The following FANCM variants were observed in gnomAD, a reference collection of about 807,000 sequenced individuals.
FANCM encodes Fanconi anemia group M protein.
Under a neutral mutation model 199.5 loss-of-function variants are expected in FANCM, and 140 were observed. The observed-to-expected ratio is 0.70, with a 90% CI of 0.61 to 0.81. The LOEUF is 0.81. Ranked by LOEUF, FANCM falls within the 30% of genes least tolerant of loss-of-function variation. The pLI is 0.00. For missense variants in FANCM, 2,410 were observed against 2,421.4 expected (o/e 1.00, Z 0.10); for synonymous variants, 840 against 836.8 (o/e 1.00, Z -0.07).
At chr14:45,147,286 T>C (rs1190536038) in intron 3 of FANCM, among the ~76,000 whole-genome samples, 2 of 146,962 alleles carry the variant, frequency 1.4e-5, no homozygotes, top group African/African-American at 5.0e-5. Context: ...CCCTCAAAGC[T>C]TTCTTTTTTT....
At chr14:45,137,411 T>C in intron 2 of FANCM, 170 bp downstream of exon 2, 1 of 626,844 alleles carries the variant, frequency 1.6e-6, no homozygotes, top group Non-Finnish European at 2.8e-6. Flanking sequence ...CTGTCATCCA[T>C]TCAAATCAGT....
At chr14:45,170,782 C>A in intron 12 of FANCM, 36 bp downstream of exon 12, 1 of 1,575,586 alleles carries the variant, frequency 6.3e-7, no homozygotes, top group African/African-American at 1.4e-5. Flanking sequence ...TCTTTTCCCC[C>A]CCCTCATTTT....
chr14:45,189,215 C>T lies in FANCM; in HGVS notation c.5193C>T (p.Ser1731=), dbSNP rs1016481325. 2 of 1,614,120 alleles carry T rather than the reference C, an allele frequency of 1.2e-6. No homozygotes were observed. Among genetic ancestry groups the T allele is most frequent in the African/African-American group, 1.3e-5 (1 of 75,042 alleles). Residue 1731 remains serine (S), a synonymous_variant, in exon 20 of 23, where the codon AGC becomes AGT. Coordinates refer to ENST00000267430, the MANE Select transcript of FANCM (RefSeq NM_020937.4). ...GAGTTAATCCATTAGCAAAGCAGAG[C>T]AAACAGACATCGCTGAATTTAAAGG... The part of the protein sequence containing the change: ...TPRVNPLAKQ[S]KQTSLNLKDT...
chr14:45,151,912 TA>T (rs767251183), intron 5 of FANCM, among the ~76,000 whole-genome samples: 8,116 of 118,384 alleles, frequency 0.069, 711 homozygotes, highest in African/African-American at 0.22. Context: ...AGACCTGTCT[TA>T]AAAAAAAAAA....
At position 45,173,115 on chromosome 14, in the gene FANCM, G is replaced by C; in HGVS notation, c.2221G>C (p.Asp741His). 1 of 1,611,074 alleles carries C rather than the reference G, an allele frequency of 6.2e-7. No individual in the cohort carries two copies. Among genetic ancestry groups the C allele is most frequent in the Non-Finnish European group, 8.5e-7 (1 of 1,177,290 alleles). Residue 741 changes from aspartate to histidine, a missense_variant, in exon 13 of 23, where the codon GAT becomes CAT. Coordinates refer to ENST00000267430, the MANE Select transcript of FANCM (RefSeq NM_020937.4). ...TCTCTCTGAATGGAGACTGTGGCAA[G>C]ATCATCCTTTGCCTACACATCAAGT... ...LSLSEWRLWQ[D>H]HPLPTHQVDH...
chr14:45,181,748 G>C, intron 16 of FANCM, 43 bp downstream of exon 16: 1 of 1,302,420 alleles, frequency 7.7e-7, no homozygotes, highest in Non-Finnish European at 1.1e-6. Flanking sequence ...AAATTCCTTT[G>C]GAATAAAAAT....
intron 11 of FANCM, 89 bp from the exon 12 acceptor site, chr14:45,170,500 T>C: frequency 1.1e-6 from 1 of 926,362 alleles, no homozygotes; most frequent in Non-Finnish European, 1.7e-6. Context: ...CACTCCAACC[T>C]GGGTGACAGA....
At chr14:45,165,244 A>G (rs1166962197) in intron 10 of FANCM, among the ~76,000 whole-genome samples, 2 of 152,314 alleles carry the variant, frequency 1.3e-5, no homozygotes, top group Non-Finnish European at 2.9e-5. Flanking sequence ...AAAGGTCTTA[A>G]CAGCCATGAT....
intron 9 of FANCM, among the ~76,000 whole-genome samples, chr14:45,162,466 T>G (rs1419170721): frequency 6.6e-6 from 1 of 152,154 alleles, no homozygotes; most frequent in Non-Finnish European, 1.5e-5. Context: ...GTAAAATGAA[T>G]GAAAAATAAA....
intron 20 of FANCM, among the ~76,000 whole-genome samples, chr14:45,189,967 CAAAA>C (rs1159340500): frequency 8.0e-5 from 7 of 87,768 alleles, no homozygotes; most frequent in Admixed American, 1.3e-4. Flanking sequence ...GACTCCATCT[CAAAA>C]AAAAAAAAAA....
chr14:45,170,162 T>C (rs1030104300), intron 11 of FANCM, among the ~76,000 whole-genome samples: 4 of 152,222 alleles, frequency 2.6e-5, no homozygotes, highest in African/African-American at 9.7e-5. Flanking sequence ...ATGGATTCAT[T>C]ACCAAAGGAT....
At chr14:45,151,667 G>T in intron 5 of FANCM, 139 bp downstream of exon 5, 1 of 787,960 alleles carries the variant, frequency 1.3e-6, no homozygotes, top group Non-Finnish European at 2.1e-6. Context: ...GCTGATGCCT[G>T]TAATCCTAAC....
At chr14:45,192,851 T>A (rs572432589) in intron 20 of FANCM, among the ~76,000 whole-genome samples, 4 of 151,770 alleles carry the variant, frequency 2.6e-5, no homozygotes, top group African/African-American at 7.2e-5. Flanking sequence ...TAAAAAAAAA[T>A]TTCAGCTAAA....
At chr14:45,158,744 T>C (rs1038750130) in intron 8 of FANCM, among the ~76,000 whole-genome samples, 62 of 152,320 alleles carry the variant, frequency 4.1e-4, no homozygotes, top group African/African-American at 1.4e-3. Flanking sequence ...TTTTATTTTA[T>C]GACAGCCAAT....
chr14:45,161,743 C>T (rs1033736877), intron 9 of FANCM, among the ~76,000 whole-genome samples: 1 of 152,026 alleles, frequency 6.6e-6, no homozygotes, highest in Non-Finnish European at 1.5e-5. Flanking sequence ...CACCACTGCA[C>T]TTCAGCCTGG....
At chr14:45,167,367 G>A (rs920678217) in intron 11 of FANCM, 38 of 547,952 alleles carry the variant, frequency 6.9e-5, no homozygotes, top group Non-Finnish European at 1.1e-4. Context: ...GAAACTCAGT[G>A]TTGGGGAAAA....
At position 45,189,178 on chromosome 14, in the gene FANCM, G is replaced by A. The variant is rs760421586; in HGVS notation, c.5156G>A (p.Arg1719His). The A allele has an allele frequency of 4.3e-6, 7 of 1,614,022 alleles. No homozygotes were observed. Among genetic ancestry groups the A allele is most frequent in the Middle Eastern group, 1.6e-4 (1 of 6,084 alleles). The change falls in exon 20 of 23, where the codon CGT (arginine) becomes CAT (histidine). Residue 1719 changes from arginine (R) to histidine (H), a missense_variant. Coordinates refer to ENST00000267430, the MANE Select transcript of FANCM (RefSeq NM_020937.4). ...GGATCTTCTGCGCAGTCCAAGGTGCGTTCTACTCCAAGAGTTAATCCATTA... is the reference window on the plus strand; with the variant it reads ...GGATCTTCTGCGCAGTCCAAGGTGCATTCTACTCCAAGAGTTAATCCATTA... Reference protein sequence around the residue: ...PSGSSAQSKVRSTPRVNPLAK... With the variant: ...PSGSSAQSKVHSTPRVNPLAK...
At position 45,140,617 on chromosome 14, in the gene FANCM, T is replaced by C; in HGVS notation, c.682-15T>C. ...CATTGAACAGATGAAACTAAAGAAC[T>C]TTTTTTTTCTTAAGGTTGTAAGAGA... On this transcript the variant is annotated splice_polypyrimidine_tract_variant and intron_variant, in intron 2 of 22. Coordinates refer to ENST00000267430, the MANE Select transcript of FANCM (RefSeq NM_020937.4). The C allele has an allele frequency of 6.8e-7, 1 of 1,477,050 alleles. No individual in the cohort carries two copies. 91.5% of individuals were successfully genotyped at this position (1,477,050 alleles called of 1,614,324 possible).
At chr14:45,161,978 A>G (rs943680874) in intron 9 of FANCM, among the ~76,000 whole-genome samples, 5 of 152,166 alleles carry the variant, frequency 3.3e-5, no homozygotes, top group Non-Finnish European at 5.9e-5. Flanking sequence ...GACAGGGTGT[A>G]TTGACAAATT....
Sources: gnomAD v4.1 joint callset for allele counts (sites outside exome capture counted in the v4.1 genomes callset) on GRCh38, gnomAD v4.1.1 for gene constraint, MANE v1.5 for transcripts, NCBI Gene and HGNC (gene_info 2026-07-23, HGNC 2026-07-21) for gene names.